The following MGMT variants were observed in gnomAD, a reference collection of about 807,000 sequenced individuals.
The protein encoded by MGMT is O-6-methylguanine-DNA methyltransferase.
MGMT carries 14 observed loss-of-function variants against 15.9 expected under a neutral mutation model. That is an observed-to-expected ratio of 0.88 (90% CI 0.58 to 1.37). The LOEUF is 1.37. Ranked by LOEUF, MGMT falls within the 40% of genes most tolerant of loss-of-function variation. The probability of loss-of-function intolerance (pLI) is 0.00; values close to 1 mark genes in which losing one functional copy is unlikely to be tolerated. For synonymous variants in MGMT, 130 were observed against 118.2 expected (o/e 1.10, Z -0.65); for missense variants, 282 against 268.1 (o/e 1.05, Z -0.36).
At chr10:129,662,611 G>A (rs927901310) in intron 2 of MGMT, among the ~76,000 whole-genome samples, 1 of 152,150 alleles carries the variant, frequency 6.6e-6, no homozygotes, top group Non-Finnish European at 1.5e-5. Context: ...CTGTCAGGGG[G>A]CTTAGCTGCT....
intron 2 of MGMT, among the ~76,000 whole-genome samples, chr10:129,692,282 C>G (rs1224145809): frequency 6.6e-6 from 1 of 152,122 alleles, no homozygotes; most frequent in Non-Finnish European, 1.5e-5. Context: ...CAGGACACAC[C>G]TGGGGAGCCT....
At chr10:129,746,488 TTAAG>T (rs1011780010) in intron 3 of MGMT, among the ~76,000 whole-genome samples, 1 of 152,124 alleles carries the variant, frequency 6.6e-6, no homozygotes, top group African/African-American at 2.4e-5. Context: ...GTTAATTTGT[TTAAG>T]TAAGTCATGA....
intron 3 of MGMT, among the ~76,000 whole-genome samples, chr10:129,713,666 A>G (rs1372529250): frequency 6.6e-6 from 1 of 152,192 alleles, no homozygotes; most frequent in Non-Finnish European, 1.5e-5. Flanking sequence ...AAAATAGGGC[A>G]GAGATCAGTG....
Position 129,766,889 on chromosome 10 carries a change from A to G in MGMT, c.516A>G (p.Glu172=), listed in dbSNP as rs2133191216. ...LAVKEWLLAH[E]GHRLGKPGLG... ...TGAAGGAATGGCTTCTGGCCCATGA[A>G]GGCCACCGGTTGGGGAAGCCAGGCT... Residue 172 remains glutamate (E), a synonymous_variant, in exon 5 of 5, where the codon GAA becomes GAG. Coordinates refer to ENST00000651593, the MANE Select transcript of MGMT (RefSeq NM_002412.5). The G allele has an allele frequency of 6.2e-7, 1 of 1,613,548 alleles. No homozygotes were observed.
At chr10:129,756,585 T>C (rs1169563680) in intron 3 of MGMT, among the ~76,000 whole-genome samples, 1 of 152,190 alleles carries the variant, frequency 6.6e-6, no homozygotes, top group African/African-American at 2.4e-5. Flanking sequence ...TTCTTCTGCC[T>C]CACCCTCCCG....
At chr10:129,504,121 AATTT>A (rs1479686056) in intron 1 of MGMT, among the ~76,000 whole-genome samples, 2 of 152,258 alleles carry the variant, frequency 1.3e-5, no homozygotes, top group Admixed American at 1.3e-4. Flanking sequence ...TAGGAGCAGT[AATTT>A]ATAATAAAAT....
chr10:129,533,415 C>T lies in MGMT; in HGVS notation c.-12-2826C>T, dbSNP rs559444647. Among the ~76,000 whole-genome samples the T allele has an allele frequency of 1.2e-4, 19 of 152,044 alleles. No individual in the cohort carries two copies. Among genetic ancestry groups the T allele is most frequent in the South Asian group, 2.1e-4 (1 of 4,792 alleles). ...GCCCTGAGCCCAGGCCTCCTGACTC[C>T]GACAGCCTGCAGCCCTGCCCGAACT... On this transcript the variant is annotated intron_variant, in intron 1 of 4. Coordinates refer to ENST00000651593, the MANE Select transcript of MGMT (RefSeq NM_002412.5). This position sits in a 1 kb window ranked among gnomAD's most constrained non-coding sequence, Gnocchi z 4.5.
intron 2 of MGMT, among the ~76,000 whole-genome samples, chr10:129,692,020 C>T (rs569200938): frequency 4.9e-4 from 74 of 152,324 alleles, no homozygotes; most frequent in African/African-American, 1.7e-3. Context: ...GGGAACTAGA[C>T]GTGGGCGGTG....
At chr10:129,611,181 T>C (rs1363109201) in intron 2 of MGMT, among the ~76,000 whole-genome samples, 2 of 152,214 alleles carry the variant, frequency 1.3e-5, no homozygotes, top group Non-Finnish European at 2.9e-5. Context: ...ATTCTCACAC[T>C]GCTATTAGCA....
At chr10:129,572,714 C>T (rs564903315) in intron 2 of MGMT, among the ~76,000 whole-genome samples, 3 of 152,274 alleles carry the variant, frequency 2.0e-5, no homozygotes, top group South Asian at 4.1e-4. Context: ...TCTTGAAACA[C>T]GATTTACAGT....
At chr10:129,610,538 C>G (rs1397566176) in intron 2 of MGMT, among the ~76,000 whole-genome samples, 1 of 152,128 alleles carries the variant, frequency 6.6e-6, no homozygotes, top group African/African-American at 2.4e-5. Context: ...CCTCATGCCC[C>G]TCATAGCACT....
At chr10:129,712,221 G>A (rs1356743049) in intron 3 of MGMT, among the ~76,000 whole-genome samples, 1 of 152,204 alleles carries the variant, frequency 6.6e-6, no homozygotes, top group African/African-American at 2.4e-5. Flanking sequence ...GGCAGGACCA[G>A]GCCTTGGGGC....
chr10:129,590,179 T>TA (rs1846666324), intron 2 of MGMT, among the ~76,000 whole-genome samples: 1 of 152,274 alleles, frequency 6.6e-6, no homozygotes, highest in African/African-American at 2.4e-5. Context: ...CCTTCTCTCC[T>TA]AAAGGTTTCA....
chr10:129,539,902 A>G (rs372160254), intron 2 of MGMT, among the ~76,000 whole-genome samples: 4 of 152,316 alleles, frequency 2.6e-5, no homozygotes, highest in Middle Eastern at 3.4e-3. Flanking sequence ...AAGTTTGCCT[A>G]TTACTTTTAG....
intron 4 of MGMT, among the ~76,000 whole-genome samples, chr10:129,762,398 A>ACCGGAGT (rs1300304092): frequency 2.0e-5 from 3 of 152,166 alleles, no homozygotes; most frequent in Admixed American, 6.5e-5. Context: ...CTCTTCCCCA[A>ACCGGAGT]CCGGAGTAAG....
intron 2 of MGMT, among the ~76,000 whole-genome samples, chr10:129,601,401 C>T (rs937095496): frequency 6.6e-6 from 1 of 152,194 alleles, no homozygotes; most frequent in African/African-American, 2.4e-5. Context: ...GGTTTGGCCA[C>T]TTCATTCTCC....
intron 2 of MGMT, among the ~76,000 whole-genome samples, chr10:129,542,608 A>T (rs1846055846): frequency 6.6e-6 from 1 of 152,192 alleles, no homozygotes; most frequent in African/African-American, 2.4e-5. Flanking sequence ...CCGTGAAATA[A>T]TGATTTGTGT....
intron 2 of MGMT, among the ~76,000 whole-genome samples, chr10:129,593,851 C>T (rs746629749): frequency 3.9e-5 from 6 of 152,162 alleles, no homozygotes; most frequent in Non-Finnish European, 8.8e-5. Context: ...AGTGAATCCA[C>T]GCTCCAGGTG....
At chr10:129,515,575 A>G (rs1035045430) in intron 1 of MGMT, among the ~76,000 whole-genome samples, 3 of 152,138 alleles carry the variant, frequency 2.0e-5, no homozygotes, top group Admixed American at 6.5e-5. Flanking sequence ...TGTATTGCGG[A>G]TATTTATCCC....
Sources: gnomAD v4.1 joint callset for allele counts (sites outside exome capture counted in the v4.1 genomes callset) on GRCh38, gnomAD v4.1.1 for gene constraint, Gnocchi (gnomAD v3.1) non-coding constraint, MANE v1.5 for transcripts, NCBI Gene and HGNC (gene_info 2026-07-23, HGNC 2026-07-21) for gene names.